The following BBX variants were observed in gnomAD, a reference collection of about 807,000 sequenced individuals.
BBX encodes BBX high mobility group box domain containing, also known as HMG box transcription factor BBX.
In BBX, 30 loss-of-function variants were observed where a neutral mutation model predicts 100.2. The observed-to-expected ratio is 0.30, with a 90% CI of 0.22 to 0.41. BBX has a LOEUF of 0.41. Ranked by LOEUF, BBX falls within the 10% of genes least tolerant of loss-of-function variation. The pLI is 1.00. For synonymous variants in BBX, 376 were observed against 388.1 expected (o/e 0.97, Z 0.37); for missense variants, 1,023 against 1,129.8 (o/e 0.91, Z 1.35).
intron 3 of BBX, 114 bp downstream of exon 3, chr3:107,646,023 G>A (rs993366947): frequency 1.3e-5 from 2 of 152,480 alleles, no homozygotes; most frequent in Admixed American, 6.6e-5. Flanking sequence ...GTGATCATTG[G>A]ATATTTTTTT....
chr3:107,707,450 C>A (rs1270309083), intron 3 of BBX, among the ~76,000 whole-genome samples: 3 of 152,204 alleles, frequency 2.0e-5, no homozygotes, highest in Non-Finnish European at 4.4e-5. Flanking sequence ...TGACAATCCT[C>A]ACAACTAACT....
intron 3 of BBX, among the ~76,000 whole-genome samples, chr3:107,695,297 A>G (rs2060506343): frequency 9.3e-6 from 1 of 107,738 alleles, no homozygotes; most frequent in Admixed American, 1.0e-4. Context: ...TAGGGTGTCA[A>G]TTTTGGATCT....
intron 3 of BBX, among the ~76,000 whole-genome samples, chr3:107,648,662 G>A (rs577009925): frequency 2.0e-5 from 3 of 152,170 alleles, no homozygotes; most frequent in Non-Finnish European, 2.9e-5. Context: ...AGTTGCATCC[G>A]GGAGTTTTCT....
chr3:107,641,437 G>A (rs910737667), intron 2 of BBX, among the ~76,000 whole-genome samples: 6 of 152,120 alleles, frequency 3.9e-5, no homozygotes, highest in Admixed American at 6.6e-5. Context: ...TACTGAAGGG[G>A]AGAGGATTTG....
intron 12 of BBX, among the ~76,000 whole-genome samples, chr3:107,775,621 T>C (rs893901301): frequency 1.2e-4 from 19 of 152,272 alleles, no homozygotes; most frequent in African/African-American, 3.4e-4. Flanking sequence ...AATAAGTACA[T>C]TGTTATATTC....
intron 3 of BBX, among the ~76,000 whole-genome samples, chr3:107,656,634 C>G (rs2058161421): frequency 1.3e-5 from 2 of 152,136 alleles, no homozygotes; most frequent in Admixed American, 1.3e-4. Context: ...CTGCTCTGTT[C>G]TGTTTCTTTT....
intron 2 of BBX, among the ~76,000 whole-genome samples, chr3:107,542,751 T>C (rs1168970900): frequency 8.5e-5 from 13 of 152,150 alleles, no homozygotes; most frequent in Admixed American, 8.5e-4. Flanking sequence ...TTGCTGGCAT[T>C]CCATCCCAGT....
At chr3:107,593,613 G>A (rs570343034) in intron 2 of BBX, among the ~76,000 whole-genome samples, 2 of 152,272 alleles carry the variant, frequency 1.3e-5, no homozygotes, top group East Asian at 3.9e-4. Context: ...AGAGGGTAAT[G>A]GGGAAACCAG....
chr3:107,665,170 G>C (rs1297650300), intron 3 of BBX, among the ~76,000 whole-genome samples: 1 of 152,070 alleles, frequency 6.6e-6, no homozygotes, highest in Non-Finnish European at 1.5e-5. Context: ...TATTCAATGG[G>C]TATTTATTGA....
intron 2 of BBX, among the ~76,000 whole-genome samples, chr3:107,594,472 C>A (rs1576432232): frequency 6.6e-6 from 1 of 152,162 alleles, no homozygotes; most frequent in East Asian, 1.9e-4. Flanking sequence ...GCGGAGATGA[C>A]AATGATGGTG....
At chr3:107,574,005 G>A (rs1028829014) in intron 2 of BBX, among the ~76,000 whole-genome samples, 4 of 152,200 alleles carry the variant, frequency 2.6e-5, no homozygotes, top group Non-Finnish European at 4.4e-5. Context: ...GATTACAGGC[G>A]TGAGCCACCA....
intron 2 of BBX, among the ~76,000 whole-genome samples, chr3:107,532,475 A>G (rs1365824072): frequency 1.3e-5 from 2 of 152,234 alleles, no homozygotes; most frequent in Admixed American, 6.5e-5. Flanking sequence ...AACAAAACCC[A>G]TCCTTGTGTC....
At chr3:107,800,473 G>A (rs1477235179) in intron 16 of BBX, among the ~76,000 whole-genome samples, 1 of 151,958 alleles carries the variant, frequency 6.6e-6, no homozygotes, top group Admixed American at 6.6e-5. Context: ...CTCTATAATG[G>A]CTACATAAGA....
At chr3:107,564,407 C>CT (rs1175303638) in intron 2 of BBX, among the ~76,000 whole-genome samples, 4 of 152,126 alleles carry the variant, frequency 2.6e-5, no homozygotes, top group Admixed American at 2.0e-4. Flanking sequence ...AGGTAGTCAA[C>CT]TTTATCAATT....
chr3:107,571,936 A>G (rs1037663911), intron 2 of BBX, among the ~76,000 whole-genome samples: 2 of 152,178 alleles, frequency 1.3e-5, no homozygotes, highest in African/African-American at 4.8e-5. Flanking sequence ...ACCTGTTGGG[A>G]TTCCTTAGCT....
intron 5 of BBX, among the ~76,000 whole-genome samples, chr3:107,722,748 AT>A (rs986614617): frequency 2.0e-5 from 3 of 151,910 alleles, no homozygotes; most frequent in South Asian, 2.1e-4. Flanking sequence ...AAATAGTCTA[AT>A]TTTTTTTCTG....
chr3:107,686,697 G>A (rs1431535194), intron 3 of BBX, among the ~76,000 whole-genome samples: 1 of 152,078 alleles, frequency 6.6e-6, no homozygotes, highest in East Asian at 1.9e-4. Context: ...CTGAGCACAC[G>A]AATGGTTGGA....
intron 13 of BBX, among the ~76,000 whole-genome samples, chr3:107,780,684 ATATAT>A (rs1267963615): frequency 6.6e-6 from 1 of 152,078 alleles, no homozygotes; most frequent in Admixed American, 6.6e-5. Flanking sequence ...AAATTAAATA[ATATAT>A]TATCTATTCA....
intron 2 of BBX, among the ~76,000 whole-genome samples, chr3:107,529,632 GTCTAATTGTCAGTATT>G: frequency 6.6e-6 from 1 of 152,284 alleles, no homozygotes; most frequent in East Asian, 1.9e-4. Context: ...CACATACTGT[GTCTAATTGTCAGTATT>G]TCTGTATTTT....
Sources: gnomAD v4.1 joint callset for allele counts (sites outside exome capture counted in the v4.1 genomes callset) on GRCh38, gnomAD v4.1.1 for gene constraint, MANE v1.5 for transcripts, NCBI Gene and HGNC (gene_info 2026-07-23, HGNC 2026-07-21) for gene names.